MGMT: variants seen among roughly 807,000 people sequenced by gnomAD.
MGMT encodes methylated-DNA--protein-cysteine methyltransferase.
MGMT carries 14 observed loss-of-function variants against 15.9 expected under a neutral mutation model. The observed-to-expected ratio is 0.88, with a 90% CI of 0.58 to 1.37. The LOEUF (loss-of-function observed/expected upper bound fraction) is 1.37, where lower values mean the gene tolerates loss of function less well. MGMT is among the 40% of genes most tolerant of loss of function. The pLI is 0.00. For missense variants in MGMT, 282 were observed against 268.1 expected (o/e 1.05, Z -0.36); for synonymous variants, 130 against 118.2 (o/e 1.10, Z -0.65).
Position 129,533,692 on chromosome 10 carries a change from A to G in MGMT, c.-12-2549A>G, listed in dbSNP as rs754887489. On this transcript the variant is annotated intron_variant, in intron 1 of 4. Coordinates refer to ENST00000651593, the MANE Select transcript of MGMT (RefSeq NM_002412.5). This position sits in a 1 kb window ranked among gnomAD's most constrained non-coding sequence, Gnocchi z 4.5. ...GTGGTCACACTGGTAATTCAGTTCC[A>G]CAAGTATTTTATGAGCCCCTTGTGT... Among the ~76,000 whole-genome samples the G allele has an allele frequency of 6.6e-6, 1 of 152,190 alleles. No homozygotes were observed. Among genetic ancestry groups the G allele is most frequent in the Non-Finnish European group, 1.5e-5 (1 of 68,020 alleles).
intron 2 of MGMT, among the ~76,000 whole-genome samples, chr10:129,537,693 C>G (rs1227703745): frequency 2.0e-5 from 3 of 152,174 alleles, no homozygotes; most frequent in Non-Finnish European, 2.9e-5. Flanking sequence ...GATGAAGACG[C>G]TTAATTTTGA....
chr10:129,694,111 C>T (rs557512747), intron 2 of MGMT: 4 of 152,350 alleles, frequency 2.6e-5, no homozygotes, highest in African/African-American at 9.6e-5. Flanking sequence ...GGAAATAAAG[C>T]TGGTTGCCTT....
intron 2 of MGMT, among the ~76,000 whole-genome samples, chr10:129,591,301 C>G (rs1321187770): frequency 1.3e-5 from 2 of 152,210 alleles, no homozygotes; most frequent in Non-Finnish European, 2.9e-5. Flanking sequence ...CTTGAATAGC[C>G]TGACAGCAGA....
At chr10:129,486,175 CTCTTT>C (rs1845407261) in intron 1 of MGMT, among the ~76,000 whole-genome samples, 1 of 107,668 alleles carries the variant, frequency 9.3e-6, no homozygotes. Flanking sequence ...CTCTTCTCTT[CTCTTT>C]TTTTTTTTTT....
chr10:129,607,842 C>G (rs1846910367), intron 2 of MGMT, among the ~76,000 whole-genome samples: 1 of 152,178 alleles, frequency 6.6e-6, no homozygotes, highest in African/African-American at 2.4e-5. Flanking sequence ...CAGGACAATT[C>G]CATTTTTGAC....
intron 2 of MGMT, among the ~76,000 whole-genome samples, chr10:129,705,365 G>A (rs544749452): frequency 2.6e-5 from 4 of 152,322 alleles, no homozygotes; most frequent in South Asian, 4.1e-4. Context: ...GGGTATTTCC[G>A]CCCACAGTAC....
intron 2 of MGMT, chr10:129,536,694 T>C (rs538480024): frequency 4.0e-4 from 87 of 217,204 alleles, no homozygotes; most frequent in Non-Finnish European, 6.4e-4. Flanking sequence ...CATTGAACAT[T>C]TGGGTTCTTC....
chr10:129,524,791 C>T (rs1845851203), intron 1 of MGMT, among the ~76,000 whole-genome samples: 4 of 151,752 alleles, frequency 2.6e-5, no homozygotes, highest in South Asian at 2.1e-4. Flanking sequence ...GGGGTTTCAC[C>T]GTGTTAGCCA....
chr10:129,716,512 C>T (rs1259142457), intron 3 of MGMT, among the ~76,000 whole-genome samples: 1 of 152,236 alleles, frequency 6.6e-6, no homozygotes, highest in Non-Finnish European at 1.5e-5. Flanking sequence ...ATTTTCTCTT[C>T]AGCCTTTCCT....
chr10:129,623,774 G>A (rs1385958935), intron 2 of MGMT, among the ~76,000 whole-genome samples: 1 of 152,130 alleles, frequency 6.6e-6, no homozygotes, highest in African/African-American at 2.4e-5. Context: ...TCCTGCCTTG[G>A]CCTCCAAAGG....
At chr10:129,706,954 G>A (rs1267739303) in intron 2 of MGMT, among the ~76,000 whole-genome samples, 1 of 152,142 alleles carries the variant, frequency 6.6e-6, no homozygotes, top group African/African-American at 2.4e-5. Context: ...AAATCAAAGG[G>A]AGGAGAGTGT....
In MGMT at chr10:129,533,588, C is replaced by T. The variant is rs1845955411; in HGVS notation, c.-12-2653C>T. On this transcript the variant is annotated intron_variant, in intron 1 of 4. Transcript: ENST00000651593. This position sits in a 1 kb window ranked among gnomAD's most constrained non-coding sequence, Gnocchi z 4.5. ...AGAGCATCCAGATTTCTCACGTTGC[C>T]TCTAGAGCCCTGTTGTCTGACCAGT... Among the ~76,000 whole-genome samples, 1 of 152,214 alleles carries T rather than the reference C, an allele frequency of 6.6e-6. No individual in the cohort carries two copies. Among genetic ancestry groups the T allele is most frequent in the African/African-American group, 2.4e-5 (1 of 41,470 alleles).
rs574171848 is a variant in MGMT at position 129,486,408 on chromosome 10, C to G, written c.-13+19112C>G. Among the ~76,000 whole-genome samples, 6 of 152,046 alleles carry G rather than the reference C, an allele frequency of 3.9e-5. 1 individual carries two copies. Among genetic ancestry groups the G allele is most frequent in the Admixed American group, 3.9e-4 (6 of 15,266 alleles). ...TTTGCCACGTTGGCCAGGCTATTCT[C>G]GAACTCTTGACCTCAGGTGATCCAC... is the stretch of plus-strand genomic sequence containing the variant. On this transcript the variant is annotated intron_variant, in intron 1 of 4. Transcript: ENST00000651593.
chr10:129,653,538 G>A (rs1252178568), intron 2 of MGMT, among the ~76,000 whole-genome samples: 1 of 152,210 alleles, frequency 6.6e-6, no homozygotes, highest in Non-Finnish European at 1.5e-5. Flanking sequence ...GTGTGGGAGG[G>A]GTAACGCCTG....
intron 3 of MGMT, among the ~76,000 whole-genome samples, chr10:129,725,790 C>T (rs1010477926): frequency 1.3e-5 from 2 of 152,336 alleles, no homozygotes; most frequent in African/African-American, 4.8e-5. Context: ...TGAGGGGCTT[C>T]TGCAGGCAGA....
intron 2 of MGMT, among the ~76,000 whole-genome samples, chr10:129,600,283 A>G (rs1589887518): frequency 6.6e-6 from 1 of 152,130 alleles, no homozygotes; most frequent in Admixed American, 6.5e-5. Context: ...GGTAGCTCTC[A>G]CCTTAGTCCC....
intron 2 of MGMT, among the ~76,000 whole-genome samples, chr10:129,702,809 A>G (rs1314135132): frequency 6.6e-6 from 1 of 152,172 alleles, no homozygotes; most frequent in Non-Finnish European, 1.5e-5. Flanking sequence ...CCTGGGGAAG[A>G]CTGGGACGTG....
intron 3 of MGMT, among the ~76,000 whole-genome samples, chr10:129,739,918 A>AGGCCCTACATCCT (rs1429022038): frequency 2.0e-5 from 3 of 152,218 alleles, no homozygotes; most frequent in Non-Finnish European, 4.4e-5. Context: ...TCCAGGTCAG[A>AGGCCCTACATCCT]GGCCCTACAT....
rs1195805596 is a variant in MGMT at position 129,536,522 on chromosome 10, C to G, written c.125+145C>G. 4 of 1,056,458 alleles carry G rather than the reference C, an allele frequency of 3.8e-6. No individual in the cohort carries two copies. The African/African-American group carries it at 6.4e-5, about 17-fold the overall frequency. The allele number at this position is 1,056,458 out of a possible 1,614,324, so 65.4% of individuals were successfully genotyped here. A position where few individuals can be genotyped will look rare whatever the true frequency, so the allele number is the denominator to read the frequency against. The stretch of plus-strand genomic sequence containing the variant: ...GCAACCACGAGTCCGTCTCTCAAAA[C>G]AGTGTGCTGCGACGGCTCCTGCATT... On this transcript the variant is annotated intron_variant, in intron 2 of 4. Transcript: ENST00000651593.
Sources: allele counts gnomAD v4.1 joint callset (sites outside exome capture counted in the v4.1 genomes callset), GRCh38; gene constraint gnomAD v4.1.1; non-coding constraint Gnocchi (gnomAD v3.1); transcripts MANE v1.5; gene names NCBI Gene and HGNC (gene_info 2026-07-23, HGNC 2026-07-21).